MIS18BP1: variants seen among roughly 807,000 people sequenced by gnomAD.
MIS18BP1 encodes MIS18 binding protein 1.
Under a neutral mutation model 116.1 loss-of-function variants are expected in MIS18BP1, and 72 were observed. The observed-to-expected ratio is 0.62, with a 90% CI of 0.51 to 0.75. MIS18BP1 has a LOEUF of 0.75. MIS18BP1 is among the 30% of genes least tolerant of loss of function. MIS18BP1 has a pLI of 0.00. For synonymous variants in MIS18BP1, 386 were observed against 427.0 expected, an observed-to-expected ratio of 0.90 and a Z score of 1.18; for missense variants, 1,363 against 1,303.2, an observed-to-expected ratio of 1.05 and a Z score of -0.71.
chr14:45,242,789 C>A lies in MIS18BP1; in HGVS notation c.630G>T (p.Lys210Asn). 1 of 1,612,974 alleles carries A rather than the reference C, an allele frequency of 6.2e-7. No individual in the cohort carries two copies. Among genetic ancestry groups the A allele is most frequent in the Non-Finnish European group, 8.5e-7 (1 of 1,179,482 alleles). The change falls in exon 3 of 17, where the codon AAG (lysine) becomes AAT (asparagine). Residue 210 changes from lysine (K) to asparagine (N), a missense_variant. Transcript: ENST00000310806. ...VKQKIQCQQE[K>N]KAPLHNLTYE... is the part of the protein sequence containing the mutation. ...AAGTTAAATTGTGCAGTGGTGCTTT[C>A]TTTTCCTGCTGGCACTGAATCTTTT... is the stretch of plus-strand genomic sequence containing the variant.
rs140469350 is a variant in MIS18BP1 at position 45,228,784 on chromosome 14, G to A, written c.1595-970C>T. Among the ~76,000 whole-genome samples, 349 of 152,282 alleles carry A rather than the reference G, an allele frequency of 2.3e-3. 2 individuals are homozygous for A. The highest frequency in any genetic ancestry group is 4.1e-3 in the Admixed American group (62 of 15,294). ...TCATTTATCATATACTCTGGTAAGT[G>A]TAATAACAGAGATAAAGTGCTTTAA... is the stretch of plus-strand genomic sequence containing the variant. On this transcript the variant is annotated intron_variant, in intron 8 of 16. Transcript: ENST00000310806.
chr14:45,231,327 T>C (rs1201998705), intron 7 of MIS18BP1, 29 bp from the exon 8 acceptor site: 2 of 1,514,836 alleles, frequency 1.3e-6, no homozygotes, highest in Non-Finnish European at 1.8e-6. Flanking sequence ...TATTTTTCCT[T>C]AATACTGATT....
chr14:45,235,911 T>C lies in MIS18BP1; in HGVS notation c.1251A>G (p.Val417=). Residue 417 remains valine (V), a synonymous_variant, in exon 6 of 17, where the codon GTA becomes GTG. Coordinates refer to ENST00000310806, the MANE Select transcript of MIS18BP1 (RefSeq NM_018353.5). ...TGTTGTGCTCAATCCGCTCTATAAT[T>C]ACATTACTGTGCCAATATATGTTAG... ...DVTNIYWHSN[V]IIERIEHNKL... is the part of the protein sequence containing the mutation. 6.2e-7 allele frequency: 1 copy of C among 1,611,326 alleles called. No individual in the cohort carries two copies. The highest frequency in any genetic ancestry group is 1.1e-5 in the South Asian group (1 of 90,710).
Position 45,235,858 on chromosome 14 carries a change from T to G in MIS18BP1, c.1304A>C (p.Tyr435Ser). The change falls in exon 6 of 17, where the codon TAT (tyrosine) becomes TCT (serine). Residue 435 changes from tyrosine to serine, a missense_variant. By Grantham distance (144) the Tyr-to-Ser change is moderately radical. Coordinates refer to ENST00000310806, the MANE Select transcript of MIS18BP1 (RefSeq NM_018353.5). ...NKLRTISGNV[Y>S]ILKGMIDQIS... ...TTGGTCTATCATGCCTTTTAATATA[T>G]AAACGTTGCCTGATATAGTCCTAAG... 6.2e-7 allele frequency: 1 copy of G among 1,610,582 alleles called. No homozygotes were observed. The highest frequency in any genetic ancestry group is 8.5e-7 in the Non-Finnish European group (1 of 1,178,056).
rs950362994 is a variant in MIS18BP1, at chr14:45,217,017, A to C, written c.3003+2T>G. ...GGAAAACAATGATTTCATGCCTCTTACCAGTATTCTTTGATGCTGTAAAGG... is the reference window on the plus strand; with the variant it reads ...GGAAAACAATGATTTCATGCCTCTTCCCAGTATTCTTTGATGCTGTAAAGG... On this transcript the variant is annotated splice_donor_variant, in intron 13 of 16. Transcript: ENST00000310806. LOFTEE classifies it high-confidence loss of function. 11 of 1,613,342 alleles carry C rather than the reference A, an allele frequency of 6.8e-6. No individual in the cohort carries two copies. The highest frequency in any genetic ancestry group is 2.7e-5 in the African/African-American group (2 of 74,904).
intron 8 of MIS18BP1, among the ~76,000 whole-genome samples, chr14:45,230,135 T>C (rs1200090157): frequency 6.6e-6 from 1 of 152,340 alleles, no homozygotes; most frequent in Non-Finnish European, 1.5e-5. Flanking sequence ...GTTTTGGAAG[T>C]TCTGTAAAGC....
intron 14 of MIS18BP1, among the ~76,000 whole-genome samples, chr14:45,209,638 T>A (rs946007015): frequency 2.0e-5 from 3 of 152,194 alleles, no homozygotes; most frequent in Non-Finnish European, 4.4e-5. Context: ...TTTCTATGAC[T>A]ATATAATGGA....
chr14:45,222,120 T>C (rs1041344415), intron 11 of MIS18BP1, among the ~76,000 whole-genome samples: 1 of 152,252 alleles, frequency 6.6e-6, no homozygotes, highest in Non-Finnish European at 1.5e-5. Context: ...AACCTACCTA[T>C]ATCATTATAT....
At chr14:45,204,263 A>T (rs371776589) in intron 16 of MIS18BP1, 51 bp from the exon 17 acceptor site, 26 of 1,550,118 alleles carry the variant, frequency 1.7e-5, no homozygotes, top group Non-Finnish European at 2.2e-5. Context: ...AAGTACTTTC[A>T]ATAAAACTGA....
chr14:45,226,453 CTT>C (rs928014206), intron 10 of MIS18BP1, among the ~76,000 whole-genome samples: 7 of 152,148 alleles, frequency 4.6e-5, no homozygotes, highest in African/African-American at 1.7e-4. Context: ...AGGATTCACT[CTT>C]TACACATTCC....
intron 4 of MIS18BP1, among the ~76,000 whole-genome samples, chr14:45,241,240 C>T (rs1261614824): frequency 3.3e-5 from 5 of 152,110 alleles, no homozygotes; most frequent in Admixed American, 1.3e-4. Context: ...GAGGCCGAGG[C>T]GGGAGGATCA....
intron 1 of MIS18BP1, 43 bp from the exon 2 acceptor site, chr14:45,247,420 A>T: frequency 1.5e-6 from 1 of 658,720 alleles, no homozygotes; most frequent in Non-Finnish European, 2.4e-6. Flanking sequence ...GCTTTGGTGC[A>T]GAAAATGTTT....
intron 1 of MIS18BP1, among the ~76,000 whole-genome samples, chr14:45,250,568 A>T (rs1891841850): frequency 6.6e-6 from 1 of 152,254 alleles, no homozygotes; most frequent in Non-Finnish European, 1.5e-5. Flanking sequence ...AGTTCCTCTC[A>T]GACTGGAGAA....
intron 13 of MIS18BP1, 140 bp from the exon 14 acceptor site, chr14:45,210,668 G>A: frequency 1.0e-6 from 1 of 965,218 alleles, no homozygotes; most frequent in Non-Finnish European, 1.6e-6. Context: ...AGTACGTAGA[G>A]GAGTAGAGGC....
rs185233009 is a variant in MIS18BP1, at chr14:45,243,034, T to G, written c.545-160A>C. ...ATGACAGTTACATATATTTTTATATTTTTGGCTGTATTATCTTCTCATACC... is the reference window on the plus strand; with the variant it reads ...ATGACAGTTACATATATTTTTATATGTTTGGCTGTATTATCTTCTCATACC... On this transcript the variant is annotated intron_variant, in intron 2 of 16. Coordinates refer to ENST00000310806, the MANE Select transcript of MIS18BP1 (RefSeq NM_018353.5). Among the ~76,000 whole-genome samples, 28 of 152,272 alleles carry G rather than the reference T, an allele frequency of 1.8e-4. No individual in the cohort carries two copies. In the East Asian group the frequency reaches 5.2e-3, roughly 28 times the overall value.
rs1891134748 is a variant in MIS18BP1, at chr14:45,226,815, A to C, written c.1768T>G (p.Tyr590Asp). The C allele has an allele frequency of 7.1e-7, 1 of 1,398,816 alleles. No homozygotes were observed. The highest frequency in any genetic ancestry group is 9.5e-7 in the Non-Finnish European group (1 of 1,054,062). The allele number at this position is 1,398,816 out of a possible 1,614,324, so 86.7% of individuals were successfully genotyped here. A position where few individuals can be genotyped will look rare whatever the true frequency, so the allele number is the denominator to read the frequency against. Residue 590 changes from tyrosine (Y) to aspartate (D), a missense_variant, in exon 10 of 17, where the codon TAT (tyrosine) becomes GAT (aspartate). Coordinates refer to ENST00000310806, the MANE Select transcript of MIS18BP1 (RefSeq NM_018353.5). ...TTTAGTTTCTTTGAAGACATTTTATATTCTTTTTTTCCAATTAATTCCTTC... is the reference window on the plus strand; with the variant it reads ...TTTAGTTTCTTTGAAGACATTTTATCTTCTTTTTTTCCAATTAATTCCTTC... ...SNQELIGKKE[Y>D]KMSSKKLKIG...
intron 6 of MIS18BP1, 28 bp from the exon 7 acceptor site, chr14:45,232,848 G>T (rs969540167): frequency 3.8e-6 from 4 of 1,047,202 alleles, no homozygotes; most frequent in Non-Finnish European, 5.7e-6. Flanking sequence ...ACAACAAAAA[G>T]TATTTAAAAG....
intron 13 of MIS18BP1, among the ~76,000 whole-genome samples, chr14:45,211,908 T>C (rs1268591335): frequency 6.6e-6 from 1 of 152,224 alleles, no homozygotes; most frequent in Non-Finnish European, 1.5e-5. Flanking sequence ...ACAAAGAGAA[T>C]GTGACATTTT....
chr14:45,237,817 T>G, intron 4 of MIS18BP1, 96 bp from the exon 5 acceptor site: 2 of 1,444,092 alleles, frequency 1.4e-6, no homozygotes, highest in Non-Finnish European at 1.8e-6. Flanking sequence ...CTTGTCTAAG[T>G]AATCCAAATA....
Sources: gnomAD v4.1 joint callset for allele counts (sites outside exome capture counted in the v4.1 genomes callset) on GRCh38, gnomAD v4.1.1 for gene constraint, MANE v1.5 for transcripts, NCBI Gene and HGNC (gene_info 2026-07-23, HGNC 2026-07-21) for gene names.